The following SLC39A11 variants were observed in gnomAD, a reference collection of about 807,000 sequenced individuals.
SLC39A11 encodes zinc transporter ZIP11.
In SLC39A11, 33 loss-of-function variants were observed where a neutral mutation model predicts 36.1. That is an observed-to-expected ratio of 0.91 (90% CI 0.69 to 1.22). The LOEUF (loss-of-function observed/expected upper bound fraction) is 1.22. Among genes scored for constraint, SLC39A11 ranks in the 50% most tolerant of loss-of-function variants. The pLI, the probability that SLC39A11 is intolerant of heterozygous loss-of-function variation, is 0.00. For synonymous variants in SLC39A11, 166 were observed against 170.3 expected (o/e 0.97, Z 0.20); for missense variants, 432 against 430.3 (o/e 1.00, Z -0.03).
At chr17:72,905,050 G>T (rs1016106213) in intron 5 of SLC39A11, among the ~76,000 whole-genome samples, 1 of 151,774 alleles carries the variant, frequency 6.6e-6, no homozygotes, top group Non-Finnish European at 1.5e-5. Flanking sequence ...GCGGGCACCT[G>T]TAGTCCCAGC....
intron 5 of SLC39A11, among the ~76,000 whole-genome samples, chr17:72,869,048 T>C (rs923406834): frequency 6.6e-6 from 1 of 152,194 alleles, no homozygotes; most frequent in Admixed American, 6.5e-5. Context: ...CCTAATCCCA[T>C]GAGATCTTTA....
intron 5 of SLC39A11, among the ~76,000 whole-genome samples, chr17:72,912,316 T>A (rs71380145): frequency 2.0e-5 from 3 of 151,392 alleles, no homozygotes; most frequent in Admixed American, 6.6e-5. Flanking sequence ...GCAGGAGGCA[T>A]TACAACAGAA....
intron 5 of SLC39A11, among the ~76,000 whole-genome samples, chr17:72,946,240 G>A (rs1346121841): frequency 6.6e-6 from 1 of 152,218 alleles, no homozygotes; most frequent in Non-Finnish European, 1.5e-5. Flanking sequence ...GGAGGCAGGA[G>A]GAAGATTTGT....
At position 73,026,517 on chromosome 17, in the gene SLC39A11, C is replaced by CAAAAA. The variant is rs548390962; in HGVS notation, c.306+5034_306+5038dup. Among the ~76,000 whole-genome samples the CAAAAA allele has an allele frequency of 4.2e-3, 316 of 75,474 alleles. 2 individuals carry two copies. In the South Asian group the frequency reaches 0.048, roughly 11 times the overall value. 49.5% of individuals were successfully genotyped at this position (75,474 alleles called of 152,430 possible). A position where few individuals can be genotyped will look rare whatever the true frequency, so the allele number is the denominator to read the frequency against. ...CTGGGCAACAAGAGCGAAACTACAT[C>CAAAAA]AAAAAAAAAAAAAAAAAGAAAGAAA... On this transcript the variant is annotated intron_variant, in intron 4 of 9. Coordinates refer to ENST00000255559, the MANE Select transcript of SLC39A11 (RefSeq NM_139177.4).
chr17:73,021,389 G>A (rs780939065), intron 4 of SLC39A11, among the ~76,000 whole-genome samples: 1 of 151,918 alleles, frequency 6.6e-6, no homozygotes, highest in Non-Finnish European at 1.5e-5. Context: ...ACCCAGGCTG[G>A]AGTGTAGTGG....
intron 3 of SLC39A11, among the ~76,000 whole-genome samples, chr17:73,060,210 C>CAAAAAAAAAAAAAAAAAAAAGAAAAA (rs2059799156): frequency 1.4e-5 from 1 of 70,352 alleles, no homozygotes; most frequent in Non-Finnish European, 2.6e-5. Context: ...AACTCCATCT[C>CAAAAAAAAAAAAAAAAAAAAGAAAAA]AAAAAAAAAA....
At chr17:73,061,519 T>C (rs1260347523) in intron 3 of SLC39A11, among the ~76,000 whole-genome samples, 2 of 152,182 alleles carry the variant, frequency 1.3e-5, no homozygotes, top group Admixed American at 1.3e-4. Context: ...CTGAATGAAC[T>C]CCCTAAGATT....
chr17:72,750,897 C>T (rs1228800435), intron 6 of SLC39A11, among the ~76,000 whole-genome samples: 1 of 152,188 alleles, frequency 6.6e-6, no homozygotes, highest in Non-Finnish European at 1.5e-5. Flanking sequence ...TGGTCATGGC[C>T]TTGTTGGTCA....
intron 5 of SLC39A11, among the ~76,000 whole-genome samples, chr17:72,945,043 A>AGATGGATGGATGGATGGATGGATGGATG (rs139488879): frequency 1.3e-4 from 19 of 151,064 alleles, no homozygotes; most frequent in African/African-American, 4.4e-4. Context: ...AGCTAATTGG[A>AGATGGATGGATGGATGGATGGATGGATG]GATGGATGGA....
intron 4 of SLC39A11, among the ~76,000 whole-genome samples, chr17:72,953,120 T>A (rs1437423267): frequency 2.0e-5 from 3 of 152,042 alleles, no homozygotes; most frequent in African/African-American, 7.2e-5. Context: ...TGTGGGCCAA[T>A]GGAGGCATGA....
chr17:73,073,439 G>A (rs547654050), intron 3 of SLC39A11, among the ~76,000 whole-genome samples: 3 of 152,252 alleles, frequency 2.0e-5, no homozygotes, highest in East Asian at 3.9e-4. Context: ...GGGCATCTGG[G>A]GCAGGTAGCT....
chr17:73,067,792 C>T (rs2060040755), intron 3 of SLC39A11: 4 of 1,273,458 alleles, frequency 3.1e-6, no homozygotes, highest in Non-Finnish European at 3.4e-6. Flanking sequence ...TCTCTTGCCA[C>T]AAGCATCACA....
chr17:72,985,407 CTTTTTTTTT>C, intron 4 of SLC39A11, among the ~76,000 whole-genome samples: 1 of 78,932 alleles, frequency 1.3e-5, no homozygotes. Flanking sequence ...TGGGGCCTGC[CTTTTTTTTT>C]TTTTTTTTTT....
intron 7 of SLC39A11, among the ~76,000 whole-genome samples, chr17:72,678,216 T>G (rs914028375): frequency 6.6e-6 from 1 of 152,204 alleles, no homozygotes; most frequent in African/African-American, 2.4e-5. Flanking sequence ...TGTGCATAGT[T>G]TATAAGTATT....
chr17:72,793,105 G>A (rs2076770109), intron 6 of SLC39A11, among the ~76,000 whole-genome samples: 1 of 152,222 alleles, frequency 6.6e-6, no homozygotes, highest in African/African-American at 2.4e-5. Flanking sequence ...ACAGAGGCCT[G>A]TAAGTCAGGG....
rs888968850 is a variant in SLC39A11, at chr17:72,649,049, T to C, written c.771-88A>G. 1.9e-6 allele frequency: 3 copies of C among 1,551,270 alleles called. No homozygotes were observed. The Admixed American group carries it at 5.5e-5, about 28-fold the overall frequency. On this transcript the variant is annotated intron_variant, in intron 8 of 9. Transcript: ENST00000255559. ...AGACTGTTGGCTCAACCCTAGCACATGGATGCATGCCATTCTACGTCATAT... is the reference window on the plus strand; with the variant it reads ...AGACTGTTGGCTCAACCCTAGCACACGGATGCATGCCATTCTACGTCATAT...
chr17:73,028,823 A>C (rs1486373763), intron 4 of SLC39A11, among the ~76,000 whole-genome samples: 3 of 151,864 alleles, frequency 2.0e-5, no homozygotes, highest in Admixed American at 2.0e-4. Flanking sequence ...AAAAAAAAAA[A>C]AAACACTGCT....
At chr17:73,016,741 T>C (rs1367722670) in intron 4 of SLC39A11, among the ~76,000 whole-genome samples, 1 of 152,200 alleles carries the variant, frequency 6.6e-6, no homozygotes, top group African/African-American at 2.4e-5. Flanking sequence ...AAGGCAGCTG[T>C]GGCAATATTT....
At chr17:73,081,103 G>A (rs2144725941) in intron 3 of SLC39A11, among the ~76,000 whole-genome samples, 1 of 152,016 alleles carries the variant, frequency 6.6e-6, no homozygotes. Flanking sequence ...GAATCTACAA[G>A]GAACTCAAAC....
Sources: allele counts gnomAD v4.1 joint callset (sites outside exome capture counted in the v4.1 genomes callset), GRCh38; gene constraint gnomAD v4.1.1; transcripts MANE v1.5; gene names NCBI Gene and HGNC (gene_info 2026-07-23, HGNC 2026-07-21).